Variants in KIAA0825 observed in about 807,000 individuals in gnomAD.
The protein encoded by KIAA0825 is KIAA0825.
A neutral mutation model predicts 147.6 loss-of-function variants in KIAA0825; 119 were observed. That is an observed-to-expected ratio of 0.81 (90% confidence interval 0.69 to 0.94). KIAA0825 has a LOEUF of 0.94. KIAA0825 is among the 40% of genes least tolerant of loss of function. The pLI is 0.00. For synonymous variants in KIAA0825, 470 were observed against 518.1 expected, an observed-to-expected ratio of 0.91 and a Z score of 1.26; for missense variants, 1,381 against 1,472.7, an observed-to-expected ratio of 0.94 and a Z score of 1.02.
chr5:94,453,339 A>ATTTT, intron 12 of KIAA0825, among the ~76,000 whole-genome samples: 1 of 118,236 alleles, frequency 8.5e-6, no homozygotes, highest in Non-Finnish European at 1.7e-5. Flanking sequence ...CGTGTGGCTG[A>ATTTT]TTTTTTTTTT....
Position 94,152,898 on chromosome 5 carries a change from AT to A in KIAA0825, c.*1108del, listed in dbSNP as rs1562284289. On this transcript the variant is annotated 3_prime_UTR_variant, in exon 21 of 21. Transcript: ENST00000682413. ...TATATATATATATATATATATATAT[AT>A]ATATGGTTTCTCCCAGACGTTCTTA... 153 of 39,366 alleles carry A rather than the reference AT, an allele frequency of 3.9e-3. 51 individuals are homozygous for A. Among genetic ancestry groups the A allele is most frequent in the South Asian group, 9.3e-3 (6 of 646 alleles). The allele number at this position is 39,366 out of a possible 1,614,324, so 2.4% of individuals were successfully genotyped here.
chr5:94,174,229 A>G (rs1768887426), intron 20 of KIAA0825, among the ~76,000 whole-genome samples: 1 of 152,186 alleles, frequency 6.6e-6, no homozygotes, highest in South Asian at 2.1e-4. Flanking sequence ...ACTTTAACCA[A>G]TGGAAGTCTA....
chr5:94,471,097 C>T (rs779927676), intron 9 of KIAA0825, among the ~76,000 whole-genome samples: 6 of 152,142 alleles, frequency 3.9e-5, no homozygotes, highest in Non-Finnish European at 5.9e-5. Flanking sequence ...GTCCGCTCCA[C>T]GAGACAACAA....
intron 20 of KIAA0825, among the ~76,000 whole-genome samples, chr5:94,173,854 A>G (rs9968749): frequency 0.11 from 16,459 of 152,214 alleles, 991 homozygotes; most frequent in Middle Eastern, 0.14. Flanking sequence ...AGGGAAAGCA[A>G]CATAGAGCTT....
At chr5:94,524,408 G>A (rs1768863809) in intron 3 of KIAA0825, among the ~76,000 whole-genome samples, 1 of 151,522 alleles carries the variant, frequency 6.6e-6, no homozygotes, top group Non-Finnish European at 1.5e-5. Flanking sequence ...GATAGGCAGT[G>A]GATGAAAGGG....
chr5:94,571,946 G>T (rs989881360), intron 2 of KIAA0825, among the ~76,000 whole-genome samples: 2 of 151,946 alleles, frequency 1.3e-5, no homozygotes, highest in Admixed American at 6.6e-5. Context: ...TTTAGTGGCC[G>T]GGCACAATGG....
chr5:94,359,494 C>T (rs1230385868), intron 20 of KIAA0825, among the ~76,000 whole-genome samples: 8 of 152,238 alleles, frequency 5.3e-5, no homozygotes, highest in Admixed American at 3.3e-4. Flanking sequence ...CAGTGGCTCA[C>T]GCCTGTAATC....
intron 20 of KIAA0825, among the ~76,000 whole-genome samples, chr5:94,337,573 A>G (rs1325311145): frequency 6.6e-6 from 1 of 152,184 alleles, no homozygotes; most frequent in Non-Finnish European, 1.5e-5. Flanking sequence ...ACTCTTTACT[A>G]TATGGATTAT....
chr5:94,491,632 T>C (rs17083754), intron 5 of KIAA0825, among the ~76,000 whole-genome samples: 28,900 of 152,146 alleles, frequency 0.19, 3,354 homozygotes, highest in East Asian at 0.33. Flanking sequence ...TAAGATGAAA[T>C]TGAAACTGTT....
At chr5:94,545,693 T>C (rs1267264812) in intron 2 of KIAA0825, among the ~76,000 whole-genome samples, 2 of 152,204 alleles carry the variant, frequency 1.3e-5, no homozygotes, top group Non-Finnish European at 2.9e-5. Flanking sequence ...TCTTGATCCC[T>C]GGATAACTAA....
chr5:94,201,510 T>C (rs966370144), intron 20 of KIAA0825, among the ~76,000 whole-genome samples: 1 of 152,020 alleles, frequency 6.6e-6, no homozygotes, highest in African/African-American at 2.4e-5. Context: ...TGTGCTCAAG[T>C]GGTCATCCTG....
intron 20 of KIAA0825, among the ~76,000 whole-genome samples, chr5:94,219,298 G>A (rs991573772): frequency 5.9e-5 from 9 of 151,974 alleles, no homozygotes; most frequent in South Asian, 2.1e-4. Context: ...CAGAGTTCAC[G>A]TTCCTATGAT....
chr5:94,519,150 C>A (rs1049509192), intron 5 of KIAA0825: 2 of 822,502 alleles, frequency 2.4e-6, no homozygotes, highest in African/African-American at 3.7e-5. Context: ...GATATAGCTT[C>A]TGGAGGAAAA....
chr5:94,517,356 TG>T (rs1767427925), intron 5 of KIAA0825, among the ~76,000 whole-genome samples: 1 of 152,194 alleles, frequency 6.6e-6, no homozygotes, highest in African/African-American at 2.4e-5. Flanking sequence ...AACCCACATA[TG>T]TAAAGCCTTG....
At chr5:94,255,382 A>G (rs929288216) in intron 20 of KIAA0825, among the ~76,000 whole-genome samples, 1 of 151,920 alleles carries the variant, frequency 6.6e-6, no homozygotes, top group Admixed American at 6.6e-5. Context: ...CAGAGATGAC[A>G]TACTTAAGGA....
intron 20 of KIAA0825, among the ~76,000 whole-genome samples, chr5:94,163,504 C>T (rs1767760326): frequency 6.6e-6 from 1 of 151,988 alleles, no homozygotes; most frequent in Admixed American, 6.6e-5. Context: ...AGGAGCTCCT[C>T]AAAGGCATAG....
intron 2 of KIAA0825, among the ~76,000 whole-genome samples, chr5:94,558,847 G>A (rs1049259149): frequency 6.6e-6 from 1 of 152,196 alleles, no homozygotes; most frequent in Non-Finnish European, 1.5e-5. Context: ...ATACCGGGAA[G>A]AAAGCAATGT....
intron 20 of KIAA0825, among the ~76,000 whole-genome samples, chr5:94,238,074 G>T (rs922360180): frequency 1.3e-5 from 2 of 152,242 alleles, no homozygotes; most frequent in South Asian, 2.1e-4. Context: ...AATTAATTTT[G>T]CACTCTAGTT....
intron 20 of KIAA0825, among the ~76,000 whole-genome samples, chr5:94,158,533 A>T (rs1421565796): frequency 6.6e-6 from 1 of 152,196 alleles, no homozygotes; most frequent in Non-Finnish European, 1.5e-5. Flanking sequence ...TCTTCCCAAA[A>T]TGTCAATATA....
Sources: gnomAD v4.1 joint callset for allele counts (sites outside exome capture counted in the v4.1 genomes callset) on GRCh38, gnomAD v4.1.1 for gene constraint, MANE v1.5 for transcripts, NCBI Gene and HGNC (gene_info 2026-07-23, HGNC 2026-07-21) for gene names.